SLC35F6: variants seen among roughly 807,000 people sequenced by gnomAD.
SLC35F6 encodes solute carrier family 35 member F6.
A neutral mutation model predicts 29.4 loss-of-function variants in SLC35F6; 26 were observed. The observed-to-expected ratio is 0.89, with a 90% CI of 0.65 to 1.23. The LOEUF is 1.23. Ranked by LOEUF, SLC35F6 falls within the 50% of genes most tolerant of loss-of-function variation. The probability of loss-of-function intolerance (pLI) is 0.00; values close to 1 mark genes in which losing one functional copy is unlikely to be tolerated. For synonymous variants in SLC35F6, 174 were observed against 206.6 expected (o/e 0.84, Z 1.35); for missense variants, 428 against 487.8 (o/e 0.88, Z 1.15).
rs759673787 is a variant in SLC35F6, at chr2:26,775,518, T to C, written c.377T>C (p.Ile126Thr). Residue 126 changes from isoleucine to threonine, a missense_variant, in exon 4 of 6, where the codon ATA becomes ACA. Ile to Thr is a moderately conservative substitution (Grantham distance 89, BLOSUM62 -1). Transcript: ENST00000344420. This position sits in a 1 kb window ranked among gnomAD's most constrained non-coding sequence, Gnocchi z 4.6. Reference sequence around the variant, plus strand: ...CAGATGCTGCGGGGTGCAGTGATCATATTCACTGGCCTGTTCTCGGTGGCC... The same window carrying C: ...CAGATGCTGCGGGGTGCAGTGATCACATTCACTGGCCTGTTCTCGGTGGCC... ...SFQMLRGAVIIFTGLFSVAFL... is the reference protein window; with the variant it reads ...SFQMLRGAVITFTGLFSVAFL... The C allele has an allele frequency of 3.7e-6, 6 of 1,612,066 alleles. 1 individual carries two copies.
chr2:26,773,037 A>G (rs1057511996), intron 1 of SLC35F6, among the ~76,000 whole-genome samples: 1 of 152,132 alleles, frequency 6.6e-6, no homozygotes, highest in African/African-American at 2.4e-5. Flanking sequence ...CTTCCAAACC[A>G]TTCAGGCTTT....
chr2:26,773,513 A>C (rs1664238704), intron 1 of SLC35F6, among the ~76,000 whole-genome samples: 1 of 151,596 alleles, frequency 6.6e-6, no homozygotes, highest in African/African-American at 2.4e-5. Context: ...GAAAAAAAAA[A>C]AAAAAAGACC....
At chr2:26,772,426 T>A (rs1365287842) in intron 1 of SLC35F6, among the ~76,000 whole-genome samples, 1 of 152,240 alleles carries the variant, frequency 6.6e-6, no homozygotes, top group Admixed American at 6.5e-5. Context: ...CCACTGCCTA[T>A]GCAGGATATG....
intron 5 of SLC35F6, among the ~76,000 whole-genome samples, chr2:26,776,813 G>A (rs546543365): frequency 1.6e-4 from 25 of 152,066 alleles, no homozygotes; most frequent in Non-Finnish European, 2.9e-4. Context: ...GGTGGCATTC[G>A]AGCTGCAAAT....
Position 26,778,084 on chromosome 2 carries a change from T to C in SLC35F6, c.689T>C (p.Met230Thr), listed in dbSNP as rs997737574. 1.2e-6 allele frequency: 2 copies of C among 1,613,720 alleles called. No individual in the cohort carries two copies. The highest frequency in any genetic ancestry group is 1.3e-5 in the African/African-American group (1 of 74,908). ...FVILSLLLVPMYYIPAGSFSG... is the reference protein window; with the variant it reads ...FVILSLLLVPTYYIPAGSFSG... ...ATCCTCTCCCTGCTGCTGGTGCCCA[T>C]GTACTACATCCCCGCCGGCTCCTTC... The change falls in exon 6 of 6, where the codon ATG (methionine) becomes ACG (threonine). Residue 230 changes from methionine to threonine, a missense_variant. By Grantham distance (81) the Met-to-Thr change is moderately conservative. Coordinates refer to ENST00000344420, the MANE Select transcript of SLC35F6 (RefSeq NM_017877.4).
intron 1 of SLC35F6, among the ~76,000 whole-genome samples, 189 bp downstream of exon 1, chr2:26,764,615 G>C (rs772397648): frequency 6.6e-6 from 1 of 152,206 alleles, no homozygotes; most frequent in African/African-American, 2.4e-5. Context: ...CGCCCCGGAC[G>C]GGGGGATCCG....
In SLC35F6 at chr2:26,778,942, CTT is replaced by C. The variant is rs10628763; in HGVS notation, c.*443_*444del. The C allele has an allele frequency of 7.4e-5, 11 of 147,762 alleles. No homozygotes were observed. The highest frequency in any genetic ancestry group is 1.4e-4 in the Admixed American group (2 of 14,772). The allele number at this position is 147,762 out of a possible 1,614,324, so 9.2% of individuals were successfully genotyped here. On this transcript the variant is annotated 3_prime_UTR_variant, in exon 6 of 6. Transcript: ENST00000344420. Reference sequence around the variant, plus strand: ...AAACCAGAACTAAGCATTATATTTTCTTTTTTTTTTTTTGAGACAGAGTCTCG... The same window carrying C: ...AAACCAGAACTAAGCATTATATTTTCTTTTTTTTTTTGAGACAGAGTCTCG...
At position 26,778,342 on chromosome 2, in the gene SLC35F6, A is replaced by G. The variant is rs1319615864; in HGVS notation, c.947A>G (p.His316Arg). 3 of 1,614,126 alleles carry G rather than the reference A, an allele frequency of 1.9e-6. No individual in the cohort carries two copies. Among genetic ancestry groups the G allele is most frequent in the Non-Finnish European group, 2.5e-6 (3 of 1,180,020 alleles). ...LSLALGWEAF[H>R]ALQILGFLIL... ...CTGGCACTGGGCTGGGAGGCCTTCC[A>G]TGCACTGCAGATCCTTGGCTTCCTC... The change falls in exon 6 of 6, where the codon CAT (histidine) becomes CGT (arginine). Residue 316 changes from histidine to arginine, a missense_variant. Transcript: ENST00000344420.
At chr2:26,773,427 C>CG (rs1210698341) in intron 1 of SLC35F6, among the ~76,000 whole-genome samples, 1 of 147,110 alleles carries the variant, frequency 6.8e-6, no homozygotes, top group Non-Finnish European at 1.5e-5. Context: ...GGCGTGAACC[C>CG]GGGAGACGGA....
chr2:26,767,587 C>A (rs987464185), intron 1 of SLC35F6, among the ~76,000 whole-genome samples: 5 of 152,194 alleles, frequency 3.3e-5, no homozygotes, highest in Non-Finnish European at 7.3e-5. Context: ...TCAAAACCTC[C>A]TCACTAGCAC....
At chr2:26,765,346 TC>T (rs1367149602) in intron 1 of SLC35F6, among the ~76,000 whole-genome samples, 1 of 117,694 alleles carries the variant, frequency 8.5e-6, no homozygotes, top group South Asian at 2.6e-4. Context: ...GGGGGACAGT[TC>T]CCAGGAGGTT....
chr2:26,775,141 A>G lies in SLC35F6; in HGVS notation c.248A>G (p.Gln83Arg). 6.2e-7 allele frequency: 1 copy of G among 1,614,112 alleles called. No homozygotes were observed. Among genetic ancestry groups the G allele is most frequent in the Non-Finnish European group, 8.5e-7 (1 of 1,180,018 alleles). ...AGQSDSSVDP[Q>R]QPFNPLLFLP... is the part of the protein sequence containing the mutation. ...CAATCAGACTCCAGCGTAGACCCCCAGCAGCCCTTCAACCCTCTTCTTTTC... is the reference window on the plus strand; with the variant it reads ...CAATCAGACTCCAGCGTAGACCCCCGGCAGCCCTTCAACCCTCTTCTTTTC... Residue 83 changes from glutamine (Q) to arginine (R), a missense_variant, in exon 3 of 6, where the codon CAG becomes CGG. Physicochemically the swap from Gln to Arg is conservative, Grantham distance 43. Transcript: ENST00000344420. This position sits in a 1 kb window ranked among gnomAD's most constrained non-coding sequence, Gnocchi z 4.6.
intron 1 of SLC35F6, among the ~76,000 whole-genome samples, chr2:26,769,452 G>C (rs1161126670): frequency 2.0e-5 from 3 of 152,226 alleles, no homozygotes; most frequent in African/African-American, 7.2e-5. Flanking sequence ...ACCAGCTAGG[G>C]GAGCAAGAAC....
Position 26,778,559 on chromosome 2 carries a change from G to A in SLC35F6, c.*48G>A, listed in dbSNP as rs1558295133. On this transcript the variant is annotated 3_prime_UTR_variant, in exon 6 of 6. Transcript: ENST00000344420. ...CCACCCGGGTGCTCCTTCTCCCTGA[G>A]ACTGAGGCCACACAGGCTGGTGGGC... 1 of 1,499,692 alleles carries A rather than the reference G, an allele frequency of 6.7e-7. No homozygotes were observed. The highest frequency in any genetic ancestry group is 8.9e-7 in the Non-Finnish European group (1 of 1,126,950). 92.9% of individuals were successfully genotyped at this position (1,499,692 alleles called of 1,614,324 possible). A position where few individuals can be genotyped will look rare whatever the true frequency, so the allele number is the denominator to read the frequency against.
chr2:26,767,014 A>G (rs550756605), intron 1 of SLC35F6, among the ~76,000 whole-genome samples: 1 of 152,270 alleles, frequency 6.6e-6, no homozygotes, highest in Non-Finnish European at 1.5e-5. Context: ...TAATCCCCAC[A>G]ATTTACAAAG....
intron 1 of SLC35F6, among the ~76,000 whole-genome samples, chr2:26,765,539 T>G (rs1408815628): frequency 6.6e-6 from 1 of 152,256 alleles, no homozygotes; most frequent in Non-Finnish European, 1.5e-5. Flanking sequence ...ATAAGGTACC[T>G]ACGGTGTGTA....
chr2:26,765,152 G>T lies in SLC35F6; in HGVS notation c.77+726G>T, dbSNP rs138040359. ...AGCAGATGAGGGGAACTAGGAGGTG[G>T]CAGTGAGAAGAGAAAGGAAGGGACA... On this transcript the variant is annotated intron_variant, in intron 1 of 5. Coordinates refer to ENST00000344420, the MANE Select transcript of SLC35F6 (RefSeq NM_017877.4). 1.2e-3 allele frequency among the ~76,000 whole-genome samples: 189 copies of T among 152,366 alleles called. 1 individual carries two copies. Among genetic ancestry groups the T allele is most frequent in the African/African-American group, 4.4e-3 (182 of 41,578 alleles).
intron 1 of SLC35F6, among the ~76,000 whole-genome samples, chr2:26,769,554 GTGAGCCCC>G (rs1664157570): frequency 6.6e-6 from 1 of 152,258 alleles, no homozygotes; most frequent in Non-Finnish European, 1.5e-5. Context: ...CTGAGGAGCC[GTGAGCCCC>G]TCGAGCCCTC....
chr2:26,767,999 C>A (rs1664126986), intron 1 of SLC35F6, among the ~76,000 whole-genome samples: 1 of 152,216 alleles, frequency 6.6e-6, no homozygotes, highest in Admixed American at 6.5e-5. Context: ...AGGCCAGGGA[C>A]CCTGCCAAGA....
Sources: gnomAD v4.1 joint callset for allele counts (sites outside exome capture counted in the v4.1 genomes callset) on GRCh38, gnomAD v4.1.1 for gene constraint, Gnocchi (gnomAD v3.1) non-coding constraint, MANE v1.5 for transcripts, NCBI Gene and HGNC (gene_info 2026-07-23, HGNC 2026-07-21) for gene names.